KLF8: variants seen among roughly 807,000 people sequenced by gnomAD.
KLF8 encodes the protein KLF transcription factor 8.
KLF8 carries 10 observed loss-of-function variants against 18.2 expected under a neutral mutation model. That is an observed-to-expected ratio of 0.55 (90% confidence interval 0.34 to 0.93). The LOEUF (loss-of-function observed/expected upper bound fraction) is 0.93. KLF8 is among the 40% of genes least tolerant of loss of function. The pLI is 0.02. For synonymous variants in KLF8, 109 were observed against 97.3 expected (o/e 1.12, Z -0.71); for missense variants, 264 against 277.9 (o/e 0.95, Z 0.36).
the KLF8 span, among the ~76,000 whole-genome samples, chrX:55,939,488 C>T: frequency 1.8e-5 from 2 of 111,377 alleles, no homozygotes; most frequent in East Asian, 2.8e-4. Context: ...AGAGCAAACA[C>T]GTTCAAAATC....
the KLF8 span, among the ~76,000 whole-genome samples, chrX:56,161,819 G>A: frequency 4.9e-4 from 55 of 111,917 alleles, no homozygotes; most frequent in Non-Finnish European, 1.5e-4. Flanking sequence ...GTGACGAGCT[G>A]CATTCCTTTG....
At chrX:56,143,201 G>A in the KLF8 span, among the ~76,000 whole-genome samples, 16 of 111,168 alleles carry the variant, frequency 1.4e-4, no homozygotes, top group East Asian at 5.7e-4. Context: ...ACATGCTCTC[G>A]TCTCAGGCCC....
intron 1 of KLF8, among the ~76,000 whole-genome samples, chrX:56,235,604 C>T (rs776666619): frequency 2.6e-4 from 28 of 109,254 alleles, no homozygotes; most frequent in South Asian, 1.6e-3. Flanking sequence ...TTAGTGGAGA[C>T]GGGGTTTCTC....
At chrX:56,279,100 C>A (rs1274074688) in intron 5 of KLF8, among the ~76,000 whole-genome samples, 1 of 111,631 alleles carries the variant, frequency 9.0e-6, no homozygotes, top group Non-Finnish European at 1.9e-5. Context: ...CTTCTTTTAA[C>A]AATATGAAGT....
chrX:56,041,846 C>A, the KLF8 span, among the ~76,000 whole-genome samples: 1 of 111,590 alleles, frequency 9.0e-6, no homozygotes, highest in African/African-American at 3.3e-5. Context: ...CATGCCACAA[C>A]ACTCAGCTAA....
the KLF8 span, among the ~76,000 whole-genome samples, chrX:56,221,533 A>G: frequency 9.0e-6 from 1 of 111,453 alleles, no homozygotes; most frequent in Non-Finnish European, 1.9e-5. Flanking sequence ...GCAGCGTGTC[A>G]GGAGTTTGTT....
upstream of KLF8, among the ~76,000 whole-genome samples, chrX:56,227,884 C>CAT (rs1167235581): frequency 5.6e-5 from 6 of 107,057 alleles, no homozygotes; most frequent in Admixed American, 1.0e-4. Flanking sequence ...AACACACACA[C>CAT]ACACACACAC....
the KLF8 span, among the ~76,000 whole-genome samples, chrX:56,001,147 C>T: frequency 8.9e-6 from 1 of 112,050 alleles, no homozygotes; most frequent in Admixed American, 9.5e-5. Context: ...TTGGGATCAT[C>T]GAAACTGCTG....
the KLF8 span, among the ~76,000 whole-genome samples, chrX:56,141,543 A>G: frequency 2.7e-5 from 3 of 111,302 alleles, no homozygotes; most frequent in African/African-American, 9.8e-5. Flanking sequence ...AAATCCTCAT[A>G]TATGTGTCTA....
chrX:56,004,038 A>G, the KLF8 span, among the ~76,000 whole-genome samples: 1 of 112,286 alleles, frequency 8.9e-6, no homozygotes, highest in East Asian at 2.8e-4. Context: ...GCAAGCCATG[A>G]TGAATTATGG....
At position 56,284,683 on chromosome X, in the gene KLF8, C is replaced by A; in HGVS notation, c.*189C>A. 3.0e-6 allele frequency: 1 copy of A among 332,233 alleles called. No individual in the cohort carries two copies. Among genetic ancestry groups the A allele is most frequent in the Non-Finnish European group, 5.1e-6 (1 of 195,796 alleles). The allele number at this position is 332,233 out of a possible 1,213,427, so 27.4% of individuals were successfully genotyped here. ...GGCTCTTCATATTCTACCTTCACTT[C>A]TCCACTGTCCAGACCCGTTTTTTTC... On this transcript the variant is annotated 3_prime_UTR_variant, in exon 6 of 6. Transcript: ENST00000468660.
At chrX:56,250,739 GGAGAGAGA>G (rs756356380) in intron 2 of KLF8, among the ~76,000 whole-genome samples, 1 of 108,094 alleles carries the variant, frequency 9.3e-6, no homozygotes, top group African/African-American at 3.4e-5. Context: ...ATATGTACAT[GGAGAGAGA>G]GAGAGAGAGA....
the KLF8 span, among the ~76,000 whole-genome samples, chrX:56,024,573 G>A: frequency 9.0e-6 from 1 of 111,480 alleles, no homozygotes; most frequent in Non-Finnish European, 1.9e-5. Context: ...AGATCCCTGA[G>A]TGCACAATTT....
the KLF8 span, among the ~76,000 whole-genome samples, chrX:56,048,370 C>A: frequency 3.8e-4 from 42 of 111,571 alleles, no homozygotes; most frequent in Non-Finnish European, 5.8e-4. Flanking sequence ...GGTATTGCCT[C>A]AGTTTTCTTC....
the KLF8 span, among the ~76,000 whole-genome samples, chrX:56,076,365 C>T: frequency 9.9e-6 from 1 of 101,304 alleles, no homozygotes; most frequent in Non-Finnish European, 2.0e-5. Flanking sequence ...TGTTCAAGTC[C>T]CACCTATGAG....
chrX:55,955,941 G>A, the KLF8 span, among the ~76,000 whole-genome samples: 1 of 111,283 alleles, frequency 9.0e-6, no homozygotes, highest in Non-Finnish European at 1.9e-5. Context: ...AGAATGTTCA[G>A]CTTTTATGGT....
At chrX:56,206,759 C>T in the KLF8 span, among the ~76,000 whole-genome samples, 1 of 112,403 alleles carries the variant, frequency 8.9e-6, no homozygotes, top group Admixed American at 9.4e-5. Flanking sequence ...CGGTGGCCCT[C>T]TTGTCATAGC....
At chrX:56,141,405 G>A in the KLF8 span, among the ~76,000 whole-genome samples, 1 of 111,220 alleles carries the variant, frequency 9.0e-6, no homozygotes, top group Non-Finnish European at 1.9e-5. Context: ...ATTTAACTTT[G>A]TTATTCCCAA....
chrX:56,134,580 A>C, the KLF8 span, among the ~76,000 whole-genome samples: 13,987 of 111,275 alleles, frequency 0.13, 1,601 homozygotes, highest in African/African-American at 0.37. Context: ...TGGAAAAACC[A>C]TTCTAGATAT....
Sources: allele counts gnomAD v4.1 joint callset (sites outside exome capture counted in the v4.1 genomes callset), GRCh38; gene constraint gnomAD v4.1.1; transcripts MANE v1.5; gene names NCBI Gene and HGNC (gene_info 2026-07-23, HGNC 2026-07-21).